GIN1: variants seen among roughly 807,000 people sequenced by gnomAD.
GIN1 encodes the protein gypsy retrotransposon integrase-like protein 1.
A neutral mutation model predicts 51.4 loss-of-function variants in GIN1; 41 were observed. The ratio of observed to expected loss-of-function variants is 0.80; its 90% CI spans 0.62 to 1.04. GIN1 has a LOEUF of 1.04. GIN1 is among the 50% of genes least tolerant of loss of function. GIN1 has a pLI of 0.00. For synonymous variants in GIN1, 222 were observed against 206.5 expected (o/e 1.07, Z -0.64); for missense variants, 610 against 612.4 (o/e 1.00, Z 0.04).
Position 103,106,776 on chromosome 5 carries a change from G to T in GIN1, c.273C>A (p.Thr91=). Reference sequence around the variant, plus strand: ...AATAATTGGATTCTACCAGAGTGAGGGTCCTGGATATACCATGATGAGCTC... The same window carrying T: ...AATAATTGGATTCTACCAGAGTGAGTGTCCTGGATATACCATGATGAGCTC... The part of the protein sequence containing the change: ...DSGAHHGISR[T]LTLVESNYYW... Residue 91 remains threonine (T), a synonymous_variant, in exon 3 of 8, where the codon ACC becomes ACA. Transcript: ENST00000399004. The T allele has an allele frequency of 6.2e-7, 1 of 1,601,914 alleles. No individual in the cohort carries two copies. The highest frequency in any genetic ancestry group is 8.5e-7 in the Non-Finnish European group (1 of 1,174,296).
At chr5:103,114,267 G>C (rs1478110498) in intron 1 of GIN1, among the ~76,000 whole-genome samples, 1 of 152,172 alleles carries the variant, frequency 6.6e-6, no homozygotes, top group African/African-American at 2.4e-5. Flanking sequence ...ATAGAGATTG[G>C]GGTAGAGACA....
Position 103,097,315 on chromosome 5 carries a change from T to C in GIN1, c.1007A>G (p.Gln336Arg). Residue 336 changes from glutamine (Q) to arginine (R), a missense_variant and splice_region_variant, in exon 6 of 8, where the codon CAG (glutamine) becomes CGG (arginine). Gln to Arg is a conservative substitution (Grantham distance 43). Transcript: ENST00000399004. ...IMENKTTSLG[Q>R]MENNNLDELN... ...AGTTTTTCTATTGAATAGAATCACC[T>C]GGCCCAGTGAAGTTGTCTTATTCTC... is the stretch of plus-strand genomic sequence containing the variant. 6.4e-7 allele frequency: 1 copy of C among 1,561,996 alleles called. No homozygotes were observed. The highest frequency in any genetic ancestry group is 8.8e-7 in the Non-Finnish European group (1 of 1,137,324).
intron 7 of GIN1, among the ~76,000 whole-genome samples, chr5:103,094,767 T>G (rs1787345342): frequency 6.6e-6 from 1 of 152,140 alleles, no homozygotes; most frequent in African/African-American, 2.4e-5. Context: ...TGTATAACCT[T>G]TTTTTTCCCT....
At chr5:103,119,797 A>C (rs1554198254) in intron 1 of GIN1, among the ~76,000 whole-genome samples, 1 of 152,196 alleles carries the variant, frequency 6.6e-6, no homozygotes, top group East Asian at 1.9e-4. Flanking sequence ...AATCAGCAGG[A>C]AAATGACCGT....
rs540803796 is a variant in GIN1 at position 103,118,314 on chromosome 5, C to T, written c.-8+1750G>A. ...AATATCTATCCCTTTTTTGCAATTA[C>T]GAGGATGATTAAAAGTCCTTTGTAT... is the stretch of plus-strand genomic sequence containing the variant. On this transcript the variant is annotated intron_variant, in intron 1 of 7. Transcript: ENST00000399004. Among the ~76,000 whole-genome samples the T allele has an allele frequency of 3.6e-4, 55 of 151,850 alleles. 1 individual carries two copies. In the South Asian group the frequency reaches 0.011, roughly 29 times the overall value.
chr5:103,097,236 T>G (rs1324483397), intron 6 of GIN1, 78 bp downstream of exon 6: 1 of 826,938 alleles, frequency 1.2e-6, no homozygotes, highest in South Asian at 1.6e-5. Context: ...CATGCACACA[T>G]GTATATGCTG....
At chr5:103,093,764 G>A (rs1554194764) in intron 7 of GIN1, among the ~76,000 whole-genome samples, 1 of 152,036 alleles carries the variant, frequency 6.6e-6, no homozygotes, top group Admixed American at 6.6e-5. Context: ...TTTCAAAGAG[G>A]AGCATTATGA....
intron 4 of GIN1, among the ~76,000 whole-genome samples, chr5:103,101,183 G>T (rs1787564321): frequency 6.6e-6 from 1 of 152,140 alleles, no homozygotes; most frequent in Admixed American, 6.6e-5. Flanking sequence ...GGGTAACTTG[G>T]ATACACACTA....
intron 7 of GIN1, among the ~76,000 whole-genome samples, chr5:103,094,169 C>A (rs570779995): frequency 1.3e-5 from 2 of 152,106 alleles, no homozygotes; most frequent in Admixed American, 1.3e-4. Context: ...TTCAAATCAA[C>A]TTGTGAGGTG....
chr5:103,097,097 A>C (rs573589510), intron 6 of GIN1, among the ~76,000 whole-genome samples: 1 of 152,334 alleles, frequency 6.6e-6, no homozygotes, highest in African/African-American at 2.4e-5. Flanking sequence ...GCTCTACTTG[A>C]TTCCAAAATC....
intron 7 of GIN1, among the ~76,000 whole-genome samples, chr5:103,091,168 C>T (rs1167095557): frequency 1.3e-5 from 2 of 152,102 alleles, no homozygotes. Flanking sequence ...TCTTTAATTT[C>T]AGTAAAGAGA....
chr5:103,112,887 G>A (rs1228058992), intron 1 of GIN1, among the ~76,000 whole-genome samples: 1 of 152,046 alleles, frequency 6.6e-6, no homozygotes, highest in Non-Finnish European at 1.5e-5. Flanking sequence ...TGAAATCCCT[G>A]TCCTCACGGA....
intron 1 of GIN1, among the ~76,000 whole-genome samples, chr5:103,117,362 A>G (rs557651338): frequency 1.3e-5 from 1 of 77,564 alleles, no homozygotes; most frequent in African/African-American, 5.1e-5. Flanking sequence ...AAATAATTTT[A>G]AAAAATTAAA....
intron 4 of GIN1, among the ~76,000 whole-genome samples, chr5:103,103,335 A>G (rs2151469981): frequency 6.6e-6 from 1 of 152,336 alleles, no homozygotes; most frequent in South Asian, 2.1e-4. Context: ...TGGTTCTCCC[A>G]ATGTGTCTTT....
At chr5:103,109,970 C>T (rs1787827914) in intron 1 of GIN1, among the ~76,000 whole-genome samples, 1 of 151,980 alleles carries the variant, frequency 6.6e-6, no homozygotes, top group Non-Finnish European at 1.5e-5. Flanking sequence ...ATGAAGATAT[C>T]AACACAATGA....
intron 3 of GIN1, 32 bp downstream of exon 3, chr5:103,106,684 T>TCTAA: frequency 8.1e-7 from 1 of 1,232,720 alleles, no homozygotes; most frequent in Non-Finnish European, 1.1e-6. Context: ...AGAAAGACAT[T>TCTAA]ATTCATAATA....
rs565621338 is a variant in GIN1 at position 103,117,294 on chromosome 5, A to G, written c.-8+2770T>C. Among the ~76,000 whole-genome samples the G allele has an allele frequency of 4.6e-5, 7 of 152,272 alleles. No individual in the cohort carries two copies. In the South Asian group the frequency reaches 1.4e-3, roughly 32 times the overall value. On this transcript the variant is annotated intron_variant, in intron 1 of 7. Transcript: ENST00000399004. ...TGAAATAAGCCAGACACAAATGGCTATATATTTTATATTTCTGTTTATATG... is the reference window on the plus strand; with the variant it reads ...TGAAATAAGCCAGACACAAATGGCTGTATATTTTATATTTCTGTTTATATG...
rs1554194134 is a variant in GIN1 at position 103,088,068 on chromosome 5, C to T, written c.1399G>A (p.Ala467Thr). The change falls in exon 8 of 8, where the codon GCA becomes ACA. Residue 467 changes from alanine (A) to threonine (T), a missense_variant. By Grantham distance (58) the Ala-to-Thr change is moderately conservative. Transcript: ENST00000399004. ...AYQANILVEDATIGIVDNELL... is the reference protein window; with the variant it reads ...AYQANILVEDTTIGIVDNELL... The stretch of plus-strand genomic sequence containing the variant: ...TCATTATCGACTATACCAATAGTTG[C>T]ATCTTCCACCAGAATATTTGCTTGA... 1 of 1,609,808 alleles carries T rather than the reference C, an allele frequency of 6.2e-7. No individual in the cohort carries two copies. Among genetic ancestry groups the T allele is most frequent in the Non-Finnish European group, 8.5e-7 (1 of 1,176,282 alleles).
At chr5:103,118,072 G>A (rs1427577334) in intron 1 of GIN1, among the ~76,000 whole-genome samples, 2 of 152,134 alleles carry the variant, frequency 1.3e-5, no homozygotes, top group African/African-American at 4.8e-5. Flanking sequence ...TTAACATAAT[G>A]TTCAGAACAC....
Sources: gnomAD v4.1 joint callset for allele counts (sites outside exome capture counted in the v4.1 genomes callset) on GRCh38, gnomAD v4.1.1 for gene constraint, MANE v1.5 for transcripts, NCBI Gene and HGNC (gene_info 2026-07-23, HGNC 2026-07-21) for gene names.